Variants in FHOD3 observed in about 807,000 individuals in gnomAD.
FHOD3 encodes the protein formin homology 2 domain containing 3, also known as FH1/FH2 domain-containing protein 3.
In FHOD3, 90 loss-of-function variants were observed where a neutral mutation model predicts 173.0. That is an observed-to-expected ratio of 0.52 (90% CI 0.44 to 0.62). FHOD3 has a LOEUF of 0.62. Ranked by LOEUF, FHOD3 falls within the 20% of genes least tolerant of loss-of-function variation. FHOD3 has a pLI of 0.00. For missense variants in FHOD3, 1,945 were observed against 2,034.7 expected (o/e 0.96, Z 0.85); for synonymous variants, 828 against 823.0 (o/e 1.01, Z -0.10).
chr18:36,445,775 G>A (rs896671175), intron 3 of FHOD3, among the ~76,000 whole-genome samples: 1 of 152,150 alleles, frequency 6.6e-6, no homozygotes, highest in South Asian at 2.1e-4. Flanking sequence ...TGCCCCATTG[G>A]TGGGTTCCAG....
At chr18:36,332,356 T>G (rs2045063064) in intron 1 of FHOD3, among the ~76,000 whole-genome samples, 1 of 152,180 alleles carries the variant, frequency 6.6e-6, no homozygotes, top group South Asian at 2.1e-4. Flanking sequence ...TTGCAAGGCT[T>G]CTCTTTAAGG....
chr18:36,372,107 A>T (rs1203937151), intron 2 of FHOD3, among the ~76,000 whole-genome samples: 3 of 152,228 alleles, frequency 2.0e-5, no homozygotes, highest in Non-Finnish European at 4.4e-5. Context: ...AAGGAAGCAG[A>T]GGTGAGATGT....
intron 20 of FHOD3, among the ~76,000 whole-genome samples, chr18:36,737,096 G>A (rs2041673926): frequency 6.6e-6 from 1 of 152,212 alleles, no homozygotes; most frequent in Non-Finnish European, 1.5e-5. Context: ...CCCTTCCACT[G>A]TCTTACAGCT....
intron 20 of FHOD3, among the ~76,000 whole-genome samples, chr18:36,732,513 TTC>T (rs2041417482): frequency 6.6e-6 from 1 of 152,204 alleles, no homozygotes; most frequent in South Asian, 2.1e-4. Flanking sequence ...TCCAGGTGTG[TTC>T]TCTGTCTTCA....
At chr18:36,709,485 G>T in intron 18 of FHOD3, 94 bp downstream of exon 18, 2 of 1,384,784 alleles carry the variant, frequency 1.4e-6, no homozygotes, top group African/African-American at 1.4e-5. Context: ...GCTGGCCTCT[G>T]AGGTGACCTG....
chr18:36,641,029 T>C (rs769091258), intron 10 of FHOD3, among the ~76,000 whole-genome samples: 1 of 152,116 alleles, frequency 6.6e-6, no homozygotes, highest in Non-Finnish European at 1.5e-5. Context: ...GGGAGATCTC[T>C]GAGGTCATCT....
At chr18:36,316,875 C>G (rs957653917) in intron 1 of FHOD3, among the ~76,000 whole-genome samples, 6 of 151,328 alleles carry the variant, frequency 4.0e-5, no homozygotes, top group Non-Finnish European at 8.8e-5. Context: ...CTCCCACAGC[C>G]CCCCCACCCC....
Position 36,649,367 on chromosome 18 carries a change from A to C in FHOD3, c.1248A>C (p.Glu416Asp). Residue 416 changes from glutamate to aspartate, a missense_variant, in exon 11 of 29, where the codon GAA becomes GAC. Physicochemically the swap from Glu to Asp is conservative, Grantham distance 45 (BLOSUM62 2). Around this residue, in one of 5 missense-constraint regions of FHOD3, gnomAD observed 1,099 missense variants for 1,051.2 expected, o/e 1.05. Transcript: ENST00000590592. The stretch of plus-strand genomic sequence containing the variant: ...CAATCACGGAGCCCAGTTCCGAAGA[A>C]GAGAGAGAGGATGATGCTTCCTGTC... Reference protein sequence around the residue: ...EQPITEPSSEEEREDDASCQG... With the variant: ...EQPITEPSSEDEREDDASCQG... 6.5e-7 allele frequency: 1 copy of C among 1,535,680 alleles called. No homozygotes were observed. Among genetic ancestry groups the C allele is most frequent in the Non-Finnish European group, 8.7e-7 (1 of 1,146,610 alleles).
At chr18:36,716,323 G>A (rs1438886344) in intron 18 of FHOD3, among the ~76,000 whole-genome samples, 1 of 152,192 alleles carries the variant, frequency 6.6e-6, no homozygotes, top group Non-Finnish European at 1.5e-5. Flanking sequence ...TGACATGAAG[G>A]TGTAGCCAAC....
rs576562101 is a variant in FHOD3, at chr18:36,359,611, G to GCC, written c.272+3968_272+3969dup. ...TTATTTACAGAATAAGGAAAATATG[G>GCC]CCCAATCCCATTTATCTTCCTGTAT... On this transcript the variant is annotated intron_variant, in intron 2 of 28. Transcript: ENST00000590592. Among the ~76,000 whole-genome samples, 159 of 152,236 alleles carry GCC rather than the reference G, an allele frequency of 1.0e-3. 5 individuals carry two copies. The South Asian group carries it at 0.031, about 29-fold the overall frequency.
chr18:36,324,406 G>C (rs546140872), intron 1 of FHOD3, among the ~76,000 whole-genome samples: 1 of 152,248 alleles, frequency 6.6e-6, no homozygotes, highest in East Asian at 1.9e-4. Flanking sequence ...AAGATCTTCT[G>C]TTCATCAAAA....
intron 1 of FHOD3, among the ~76,000 whole-genome samples, chr18:36,311,485 G>A (rs16967720): frequency 0.076 from 11,518 of 152,098 alleles, 1,371 homozygotes; most frequent in African/African-American, 0.26. Flanking sequence ...TGAAATCTTC[G>A]GACAGTAGCA....
chr18:36,577,684 T>C (rs776211129), intron 6 of FHOD3, among the ~76,000 whole-genome samples: 3 of 152,252 alleles, frequency 2.0e-5, no homozygotes, highest in South Asian at 2.1e-4. Flanking sequence ...CATTTGGTAG[T>C]TGAGGAAATA....
chr18:36,433,466 G>C (rs904975610), intron 3 of FHOD3, among the ~76,000 whole-genome samples: 1 of 152,124 alleles, frequency 6.6e-6, no homozygotes, highest in Non-Finnish European at 1.5e-5. Flanking sequence ...ACCAGTTTTA[G>C]CAGAAGAAAA....
intron 11 of FHOD3, among the ~76,000 whole-genome samples, chr18:36,650,531 C>T (rs2035980055): frequency 6.6e-6 from 1 of 152,202 alleles, no homozygotes; most frequent in Non-Finnish European, 1.5e-5. Flanking sequence ...GAAAGATCAG[C>T]ATGAAACAGA....
intron 5 of FHOD3, among the ~76,000 whole-genome samples, chr18:36,559,299 G>A (rs2058006414): frequency 6.6e-6 from 1 of 152,134 alleles, no homozygotes; most frequent in Non-Finnish European, 1.5e-5. Flanking sequence ...TCCTCCCAGA[G>A]TCCTCTCTGC....
At chr18:36,649,958 C>G (rs552779493) in intron 11 of FHOD3, among the ~76,000 whole-genome samples, 1 of 152,190 alleles carries the variant, frequency 6.6e-6, no homozygotes, top group Non-Finnish European at 1.5e-5. Flanking sequence ...CTCTATAGCC[C>G]TTTGGGGAGT....
intron 16 of FHOD3, 129 bp from the exon 17 acceptor site, chr18:36,693,080 C>T: frequency 5.5e-6 from 5 of 906,534 alleles, no homozygotes; most frequent in Non-Finnish European, 8.4e-6. Context: ...GCTGACTCTC[C>T]AGCCAGCCCT....
At chr18:36,549,519 A>G (rs1435506643) in intron 5 of FHOD3, among the ~76,000 whole-genome samples, 2 of 147,456 alleles carry the variant, frequency 1.4e-5, no homozygotes, top group Non-Finnish European at 3.0e-5. Flanking sequence ...ATTTAGTGTC[A>G]GATCTAAGAA....
Sources: allele counts gnomAD v4.1 joint callset (sites outside exome capture counted in the v4.1 genomes callset), GRCh38; gene constraint gnomAD v4.1.1; regional missense constraint gnomAD v4.1.1; transcripts MANE v1.5; gene names NCBI Gene and HGNC (gene_info 2026-07-23, HGNC 2026-07-21).